FGF13: variants seen among roughly 807,000 people sequenced by gnomAD.
FGF13 encodes fibroblast growth factor 13.
In FGF13, 2 loss-of-function variants were observed where a neutral mutation model predicts 19.5. That is an observed-to-expected ratio of 0.10 (90% CI 0.04 to 0.32). The LOEUF (loss-of-function observed/expected upper bound fraction) is 0.32. FGF13 is among the 10% of genes least tolerant of loss of function. The pLI is 1.00. For synonymous variants in FGF13, 72 were observed against 76.9 expected (o/e 0.94, Z 0.33); for missense variants, 113 against 192.7 (o/e 0.59, Z 2.45).
chrX:138,697,658 G>A, intron 3 of FGF13, among the ~76,000 whole-genome samples: 1 of 111,169 alleles, frequency 9.0e-6, no homozygotes, highest in East Asian at 2.8e-4. Flanking sequence ...TTTTTGAAAG[G>A]TAAGTAATTA....
chrX:138,720,888 CTTTGAA>C (rs1307867143), intron 1 of FGF13, among the ~76,000 whole-genome samples: 1 of 112,047 alleles, frequency 8.9e-6, no homozygotes, highest in African/African-American at 3.2e-5. Flanking sequence ...TATCACTACC[CTTTGAA>C]CATCAACCAC....
chrX:138,975,189 T>C (rs1342123734), intron 1 of FGF13, among the ~76,000 whole-genome samples: 1 of 112,987 alleles, frequency 8.9e-6, no homozygotes, highest in Non-Finnish European at 1.9e-5. Flanking sequence ...TCACTGTATA[T>C]AGAAAGCTTT....
At chrX:138,716,128 A>G (rs1039408975), upstream of FGF13, 5 of 112,406 alleles carry the variant, frequency 4.4e-5, no homozygotes, top group African/African-American at 1.6e-4. Context: ...ACTCAGAATC[A>G]CTTGCCAGTT....
intron 1 of FGF13, among the ~76,000 whole-genome samples, chrX:139,120,808 G>A (rs866569804): frequency 5.3e-5 from 6 of 112,955 alleles, no homozygotes; most frequent in African/African-American, 1.9e-4. Flanking sequence ...GCCAGCCAGA[G>A]GACTTAAGTC....
chrX:139,165,889 T>C (rs942552582), intron 1 of FGF13, among the ~76,000 whole-genome samples: 18 of 111,771 alleles, frequency 1.6e-4, no homozygotes, highest in Non-Finnish European at 2.6e-4. Flanking sequence ...TTTTCTCCCA[T>C]TTGGAATGGG....
At chrX:139,095,533 A>G (rs1218729858) in intron 1 of FGF13, among the ~76,000 whole-genome samples, 6 of 112,099 alleles carry the variant, frequency 5.4e-5, no homozygotes, top group African/African-American at 1.9e-4. Context: ...ATAGTCTATC[A>G]GACTTCACTT....
chrX:139,042,785 C>T (rs948678244), intron 1 of FGF13, among the ~76,000 whole-genome samples: 1 of 111,486 alleles, frequency 9.0e-6, no homozygotes, highest in Admixed American at 9.5e-5. Context: ...CATTGAGCGA[C>T]ATCCCCGTAT....
chrX:138,963,226 A>C (rs1451840240), intron 1 of FGF13, among the ~76,000 whole-genome samples: 2 of 113,234 alleles, frequency 1.8e-5, no homozygotes, highest in African/African-American at 6.4e-5. Context: ...CACTCCTGGC[A>C]AGACCCTCTG....
At chrX:138,863,030 G>A (rs1474573207) in intron 2 of FGF13, among the ~76,000 whole-genome samples, 1 of 110,443 alleles carries the variant, frequency 9.1e-6, no homozygotes, top group East Asian at 2.9e-4. Context: ...TCTAGAATAT[G>A]CCAGGCTTTC....
In FGF13 at chrX:138,878,978, C is replaced by T. The variant is rs182675346; in HGVS notation, c.-112-14328G>A. Among the ~76,000 whole-genome samples the T allele has an allele frequency of 8.1e-3, 901 of 111,404 alleles. 12 individuals carry two copies. Among genetic ancestry groups the T allele is most frequent in the African/African-American group, 0.028 (867 of 30,586 alleles). On this transcript the variant is annotated intron_variant, in intron 1 of 2. Transcript: ENST00000421460. ...TTGAGAAGTGTCTGTTCATATCCTT[C>T]GCCCACTTTTTGATGGGGTTGTTTG...
At chrX:138,814,773 A>T (rs937006169) in intron 3 of FGF13, among the ~76,000 whole-genome samples, 1 of 111,296 alleles carries the variant, frequency 9.0e-6, no homozygotes, top group Non-Finnish European at 1.9e-5. Context: ...ATCATGGAAA[A>T]CAGTATGGAG....
chrX:138,636,339 G>C (rs141260265), intron 3 of FGF13, among the ~76,000 whole-genome samples: 88 of 111,714 alleles, frequency 7.9e-4, no homozygotes, highest in African/African-American at 2.7e-3. Flanking sequence ...AGACACGATA[G>C]AGCAGCCCAG....
At chrX:138,651,463 C>T (rs2089372365) in intron 3 of FGF13, among the ~76,000 whole-genome samples, 1 of 112,107 alleles carries the variant, frequency 8.9e-6, no homozygotes, top group Non-Finnish European at 1.9e-5. Context: ...CAGTTGCTCA[C>T]TGTATTCTGA....
intron 1 of FGF13, among the ~76,000 whole-genome samples, chrX:138,728,725 A>T (rs1193927076): frequency 9.0e-6 from 1 of 110,640 alleles, no homozygotes; most frequent in Non-Finnish European, 1.9e-5. Flanking sequence ...CCCCATGGGC[A>T]TTGAGTACCT....
chrX:139,059,236 A>G (rs780663457), intron 1 of FGF13, among the ~76,000 whole-genome samples: 80 of 110,711 alleles, frequency 7.2e-4, no homozygotes, highest in African/African-American at 2.6e-3. Flanking sequence ...GAGAGAAAAA[A>G]AAACACAATT....
intron 1 of FGF13, among the ~76,000 whole-genome samples, chrX:138,946,039 C>T (rs187056008): frequency 3.7e-4 from 41 of 111,515 alleles, no homozygotes; most frequent in Admixed American, 3.2e-3. Context: ...TGAAGCCAGA[C>T]TGGATAAGCT....
intron 1 of FGF13, among the ~76,000 whole-genome samples, chrX:138,906,151 C>G (rs775220083): frequency 9.0e-6 from 1 of 111,445 alleles, no homozygotes; most frequent in African/African-American, 3.3e-5. Context: ...ATGATCAAAC[C>G]CTGGCTGTAT....
At chrX:138,889,430 G>A (rs1460931376) in intron 1 of FGF13, among the ~76,000 whole-genome samples, 1 of 112,159 alleles carries the variant, frequency 8.9e-6, no homozygotes, top group East Asian at 2.8e-4. Context: ...ATATTTGATT[G>A]TTTTTCCTTT....
chrX:139,016,304 G>A (rs1474127195), intron 1 of FGF13, among the ~76,000 whole-genome samples: 1 of 111,330 alleles, frequency 9.0e-6, no homozygotes, highest in Non-Finnish European at 1.9e-5. Context: ...AAAAGAGGGG[G>A]GAAAGTACTA....
Sources: gnomAD v4.1 joint callset for allele counts (sites outside exome capture counted in the v4.1 genomes callset) on GRCh38, gnomAD v4.1.1 for gene constraint, MANE v1.5 for transcripts, NCBI Gene and HGNC (gene_info 2026-07-23, HGNC 2026-07-21) for gene names.